NARF: variants seen among roughly 807,000 people sequenced by gnomAD.
NARF encodes the protein nuclear prelamin A recognition factor.
In NARF, 41 loss-of-function variants were observed where a neutral mutation model predicts 48.0. The observed-to-expected ratio is 0.85, with a 90% confidence interval of 0.66 to 1.11. The LOEUF (loss-of-function observed/expected upper bound fraction) is 1.11, where lower values mean the gene tolerates loss of function less well. Among genes scored for constraint, NARF ranks in the 50% least tolerant of loss-of-function variants. The probability of loss-of-function intolerance (pLI) is 0.00; values close to 1 mark genes in which losing one functional copy is unlikely to be tolerated. For missense variants in NARF, 613 were observed against 590.2 expected, an observed-to-expected ratio of 1.04 and a Z score of -0.40; for synonymous variants, 215 against 225.5, an observed-to-expected ratio of 0.95 and a Z score of 0.42.
intron 3 of NARF, among the ~76,000 whole-genome samples, chr17:82,465,831 G>A (rs2143841840): frequency 6.6e-6 from 1 of 152,320 alleles, no homozygotes; most frequent in South Asian, 2.1e-4. Context: ...CTCCCAAAGT[G>A]TTAGGATTAT....
At chr17:82,480,948 A>AAG in intron 6 of NARF, 134 bp from the exon 7 acceptor site, 2 of 1,025,096 alleles carry the variant, frequency 2.0e-6, no homozygotes, top group East Asian at 2.7e-5. Flanking sequence ...AAAAAAAAAA[A>AAG]AGAGTGCAGC....
At chr17:82,458,729 G>A (rs966374500), upstream of NARF, 1 of 1,443,714 alleles carries the variant, frequency 6.9e-7, no homozygotes. Flanking sequence ...GCCGCGGGCG[G>A]CGGGCAGTGG....
At chr17:82,471,246 G>A (rs1342401393) in intron 4 of NARF, among the ~76,000 whole-genome samples, 1 of 151,512 alleles carries the variant, frequency 6.6e-6, no homozygotes, top group East Asian at 2.0e-4. Context: ...ACGAGGTCAG[G>A]AGATTGAGAC....
intron 10 of NARF, 143 bp downstream of exon 10, chr17:82,485,797 G>A (rs892548923): frequency 5.3e-5 from 48 of 904,988 alleles, no homozygotes; most frequent in African/African-American, 1.7e-4. Flanking sequence ...GGATGCTCCC[G>A]TGGGGCTTGT....
chr17:82,471,446 C>A (rs1236467174), intron 4 of NARF, among the ~76,000 whole-genome samples: 3 of 136,176 alleles, frequency 2.2e-5, no homozygotes, highest in Non-Finnish European at 4.6e-5. Context: ...CAGGGCGAGA[C>A]ACTGTCTCAA....
chr17:82,463,062 A>C (rs1422357435), intron 2 of NARF: 1 of 152,172 alleles, frequency 6.6e-6, no homozygotes, highest in Non-Finnish European at 1.5e-5. Context: ...TGGGCTGCAC[A>C]GAGACATGGG....
chr17:82,483,858 G>A (rs1352074830), intron 8 of NARF, 79 bp downstream of exon 8: 13 of 1,380,306 alleles, frequency 9.4e-6, no homozygotes, highest in Non-Finnish European at 1.3e-5. Context: ...CAGGCCCAGG[G>A]CTGCCCTGCT....
At chr17:82,458,424 C>A, upstream of NARF, 1 of 212,336 alleles carries the variant, frequency 4.7e-6, no homozygotes, top group South Asian at 1.1e-4. Context: ...CACCGACTCC[C>A]TGGTGAACGC....
intron 4 of NARF, among the ~76,000 whole-genome samples, chr17:82,470,282 C>T (rs761972320): frequency 1.9e-4 from 29 of 152,078 alleles, no homozygotes; most frequent in Non-Finnish European, 4.1e-4. Flanking sequence ...GGTGCCCACA[C>T]GTTAGGTCGC....
upstream of NARF, chr17:82,458,360 C>T (rs982486374): frequency 2.5e-5 from 4 of 158,438 alleles, no homozygotes; most frequent in African/African-American, 7.2e-5. Flanking sequence ...CCGTGACCAC[C>T]GGACCGAGCA....
chr17:82,458,344 C>T (rs188504291), upstream of NARF: 1,008 of 155,788 alleles, frequency 6.5e-3, 4 homozygotes, highest in Non-Finnish European at 0.01. Context: ...CAGGGGCCTC[C>T]AGGCCCCGTG....
intron 10 of NARF, 105 bp from the exon 11 acceptor site, chr17:82,487,811 A>G (rs2044130225): frequency 7.6e-7 from 1 of 1,322,842 alleles, no homozygotes; most frequent in Middle Eastern, 2.0e-4. Flanking sequence ...AAATTTAAAA[A>G]TCAGCCGGGC....
intron 6 of NARF, 147 bp downstream of exon 6, chr17:82,479,065 G>T (rs990336831): frequency 9.4e-6 from 6 of 641,046 alleles, no homozygotes; most frequent in Non-Finnish European, 1.6e-5. Flanking sequence ...GGAAACATCA[G>T]CAGTGCTGTT....
At chr17:82,487,147 T>A (rs1399471320) in intron 10 of NARF, among the ~76,000 whole-genome samples, 4 of 152,174 alleles carry the variant, frequency 2.6e-5, no homozygotes, top group African/African-American at 9.7e-5. Flanking sequence ...AACTTAGGTT[T>A]TAGGTAAAAC....
rs76219420 is a variant in NARF at position 82,490,154 on chromosome 17, G to T, written c.*1997G>T. The T allele has an allele frequency of 0.011, 1,648 of 152,342 alleles. 19 individuals carry two copies. The highest frequency in any genetic ancestry group is 0.011 in the Non-Finnish European group (767 of 68,056). The allele number at this position is 152,342 out of a possible 1,614,324, so 9.4% of individuals were successfully genotyped here. The stretch of plus-strand genomic sequence containing the variant: ...AAAATTTTTTTTTAAAAAGGAGAAA[G>T]CAGTTTAACCACAAACAGTGAAACA... On this transcript the variant is annotated 3_prime_UTR_variant, in exon 11 of 11. Coordinates refer to ENST00000309794, the MANE Select transcript of NARF (RefSeq NM_012336.4).
chr17:82,468,597 TG>T, intron 3 of NARF, 166 bp from the exon 4 acceptor site: 4 of 665,522 alleles, frequency 6.0e-6, no homozygotes, highest in Non-Finnish European at 9.6e-6. Flanking sequence ...ACCATAATCC[TG>T]ATTTTTTTTC....
chr17:82,484,047 C>G, intron 8 of NARF: 1 of 447,126 alleles, frequency 2.2e-6, no homozygotes. Flanking sequence ...ACAAAATGCA[C>G]AAACAGCTTT....
At chr17:82,467,930 T>G (rs1404361899) in intron 3 of NARF, among the ~76,000 whole-genome samples, 1 of 152,226 alleles carries the variant, frequency 6.6e-6, no homozygotes, top group Non-Finnish European at 1.5e-5. Context: ...TTAAAATTAT[T>G]TATTTTTTCC....
intron 4 of NARF, among the ~76,000 whole-genome samples, chr17:82,470,488 T>C (rs2043673334): frequency 6.6e-6 from 1 of 152,118 alleles, no homozygotes; most frequent in South Asian, 2.1e-4. Context: ...TTAAAATTTA[T>C]AATATTTCTT....
Sources: allele counts gnomAD v4.1 joint callset (sites outside exome capture counted in the v4.1 genomes callset), GRCh38; gene constraint gnomAD v4.1.1; transcripts MANE v1.5; gene names NCBI Gene and HGNC (gene_info 2026-07-23, HGNC 2026-07-21).